SEMA6D: variants seen among roughly 807,000 people sequenced by gnomAD.
SEMA6D encodes semaphorin 6D.
SEMA6D carries 35 observed loss-of-function variants against 106.6 expected under a neutral mutation model. That is an observed-to-expected ratio of 0.33 (90% CI 0.25 to 0.44). The LOEUF (loss-of-function observed/expected upper bound fraction) is 0.44. SEMA6D is among the 20% of genes least tolerant of loss of function. The pLI, the probability that SEMA6D is intolerant of heterozygous loss-of-function variation, is 1.00. For missense variants in SEMA6D, 1,185 were observed against 1,345.9 expected (o/e 0.88, Z 1.87); for synonymous variants, 499 against 487.7 (o/e 1.02, Z -0.31).
intron 1 of SEMA6D, among the ~76,000 whole-genome samples, chr15:47,300,151 G>A (rs1411190485): frequency 6.6e-6 from 1 of 152,178 alleles, no homozygotes; most frequent in Non-Finnish European, 1.5e-5. Flanking sequence ...CCTGGTGGGT[G>A]CCCTCCGCAG....
intron 1 of SEMA6D, among the ~76,000 whole-genome samples, chr15:47,358,335 G>A (rs2038671835): frequency 6.8e-6 from 1 of 146,994 alleles, no homozygotes; most frequent in Admixed American, 6.7e-5. Context: ...GGCCTTTTTT[G>A]TTCATAATTT....
intron 4 of SEMA6D, among the ~76,000 whole-genome samples, chr15:47,616,733 G>A (rs1431589591): frequency 1.3e-5 from 2 of 152,108 alleles, no homozygotes; most frequent in African/African-American, 4.8e-5. Flanking sequence ...TGATGGAAAA[G>A]TAGATGTTGG....
intron 1 of SEMA6D, among the ~76,000 whole-genome samples, chr15:47,348,791 A>T (rs1415577751): frequency 7.0e-6 from 1 of 143,518 alleles, no homozygotes; most frequent in Non-Finnish European, 1.5e-5. Context: ...GCCAGACCAG[A>T]TCAACAGTGA....
chr15:47,535,187 G>C (rs760541732), intron 3 of SEMA6D, among the ~76,000 whole-genome samples: 31 of 152,082 alleles, frequency 2.0e-4, no homozygotes, highest in Middle Eastern at 3.2e-3. Context: ...TGAGAAAGCT[G>C]CTCTGAGGGA....
At position 47,328,086 on chromosome 15, in the gene SEMA6D, G is replaced by T. The variant is rs889042563; in HGVS notation, c.-238-84307G>T. ...GAAATATATTCTCCTCCAGAGTGTT[G>T]ATCTTGGCTCACAGATGGAAAGAAA... is the stretch of plus-strand genomic sequence containing the variant. On this transcript the variant is annotated intron_variant, in intron 1 of 19. Coordinates refer to the SEMA6D transcript ENST00000558014. Among the ~76,000 whole-genome samples, 6 of 152,234 alleles carry T rather than the reference G, an allele frequency of 3.9e-5. No individual in the cohort carries two copies. The East Asian group carries it at 9.7e-4, about 25-fold the overall frequency.
At chr15:47,213,782 C>T (rs1323551943) in intron 1 of SEMA6D, among the ~76,000 whole-genome samples, 1 of 152,150 alleles carries the variant, frequency 6.6e-6, no homozygotes, top group Non-Finnish European at 1.5e-5. Context: ...GTCTTAACCA[C>T]AGAGACTCAA....
chr15:47,377,625 A>G (rs773052880), intron 1 of SEMA6D, among the ~76,000 whole-genome samples: 15 of 152,224 alleles, frequency 9.9e-5, no homozygotes, highest in Admixed American at 8.5e-4. Context: ...TAGATGTTCT[A>G]CCATCCTGTG....
chr15:47,473,578 T>C (rs891638717), intron 3 of SEMA6D, among the ~76,000 whole-genome samples: 1 of 152,210 alleles, frequency 6.6e-6, no homozygotes, highest in African/African-American at 2.4e-5. Flanking sequence ...ACCAGCATTA[T>C]GCCTCTTCAT....
intron 2 of SEMA6D, among the ~76,000 whole-genome samples, chr15:47,459,640 A>T (rs11070586): frequency 0.48 from 72,459 of 151,896 alleles, 18,283 homozygotes; most frequent in African/African-American, 0.64. Context: ...TGTTTACAAT[A>T]TCCATAAGTG....
chr15:47,632,168 A>G (rs2077304416), intron 4 of SEMA6D, among the ~76,000 whole-genome samples: 1 of 151,658 alleles, frequency 6.6e-6, no homozygotes, highest in Non-Finnish European at 1.5e-5. Context: ...CAGAGAACAC[A>G]CTCTGTATGA....
intron 3 of SEMA6D, among the ~76,000 whole-genome samples, chr15:47,565,104 A>C (rs906043194): frequency 6.6e-6 from 1 of 152,178 alleles, no homozygotes; most frequent in Non-Finnish European, 1.5e-5. Flanking sequence ...TTTAGGATCA[A>C]GTACAGATAC....
intron 1 of SEMA6D, among the ~76,000 whole-genome samples, chr15:47,347,343 T>G (rs1055875111): frequency 1.3e-5 from 2 of 152,238 alleles, no homozygotes; most frequent in African/African-American, 4.8e-5. Flanking sequence ...AATGGACACC[T>G]ATTTGCAGCC....
intron 1 of SEMA6D, among the ~76,000 whole-genome samples, chr15:47,236,797 G>A (rs1437494217): frequency 1.3e-5 from 2 of 152,174 alleles, no homozygotes; most frequent in African/African-American, 2.4e-5. Context: ...TTAGGAAGGG[G>A]AAGGACATAG....
Position 47,335,841 on chromosome 15 carries a change from A to T in SEMA6D, c.-238-76552A>T, listed in dbSNP as rs74413947. On this transcript the variant is annotated intron_variant, in intron 1 of 19. Transcript: ENST00000558014. The stretch of plus-strand genomic sequence containing the variant: ...AATGGCATGAATAAAATGGAAATTG[A>T]TGGGGTTAAGACGGAGCTCTTACTA... Among the ~76,000 whole-genome samples the T allele has an allele frequency of 3.6e-3, 552 of 152,256 alleles. 1 individual carries two copies. The highest frequency in any genetic ancestry group is 0.012 in the African/African-American group (489 of 41,562).
At position 47,770,531 on chromosome 15, in the gene SEMA6D, C is replaced by A. The variant is rs1227525865; in HGVS notation, c.1968C>A (p.Asn656Lys). 1.9e-6 allele frequency: 3 copies of A among 1,607,374 alleles called. No homozygotes were observed. The highest frequency in any genetic ancestry group is 2.2e-5 in the South Asian group (2 of 90,694). ...VRWEVQSGESNQMVHMNVLIT... is the reference protein window; with the variant it reads ...VRWEVQSGESKQMVHMNVLIT... ...GGGAAGTCCAGTCTGGAGAGTCCAACCAGATGGTCCACATGAATGTCCTCA... is the reference window on the plus strand; with the variant it reads ...GGGAAGTCCAGTCTGGAGAGTCCAAACAGATGGTCCACATGAATGTCCTCA... The change falls in exon 19 of 19, where the codon AAC (asparagine) becomes AAA (lysine). Residue 656 changes from asparagine (N) to lysine (K), a missense_variant. Around this residue, in one of 3 missense-constraint regions of SEMA6D, gnomAD observed 750 missense variants for 783.5 expected, o/e 0.96. Transcript: ENST00000536845.
intron 4 of SEMA6D, among the ~76,000 whole-genome samples, chr15:47,622,205 A>G (rs76877257): frequency 2.0e-5 from 3 of 148,102 alleles, no homozygotes; most frequent in Admixed American, 1.4e-4. Flanking sequence ...CCCAGCCAAA[A>G]AAAAAAAAAA....
At chr15:47,243,406 C>T (rs1055749008) in intron 1 of SEMA6D, among the ~76,000 whole-genome samples, 2 of 148,706 alleles carry the variant, frequency 1.3e-5, no homozygotes, top group African/African-American at 2.5e-5. Context: ...CTATGTTTTT[C>T]ATAATACCAT....
In SEMA6D at chr15:47,771,751, C is replaced by G. The variant is rs756066018; in HGVS notation, c.3188C>G (p.Pro1063Arg). The G allele has an allele frequency of 1.2e-6, 2 of 1,613,848 alleles. No homozygotes were observed. Among genetic ancestry groups the G allele is most frequent in the Non-Finnish European group, 8.5e-7 (1 of 1,179,882 alleles). ...AAGCCTTCCTTTGTTCCTCAAACCC[C>G]ATCTGTCAGACCACTGAACAAATAC... Reference protein sequence around the residue: ...PPKPSFVPQTPSVRPLNKYTY With the variant: ...PPKPSFVPQTRSVRPLNKYTY The change falls in exon 19 of 19, where the codon CCA becomes CGA. Residue 1063 changes from proline (P) to arginine (R), a missense_variant. Pro to Arg is a moderately radical substitution (Grantham distance 103). Around this residue, in one of 3 missense-constraint regions of SEMA6D, gnomAD observed 750 missense variants for 783.5 expected, o/e 0.96. Coordinates refer to ENST00000536845, the MANE Select transcript of SEMA6D (RefSeq NM_001358351.3).
chr15:47,746,900 C>T (rs959883064), intron 1 of SEMA6D, among the ~76,000 whole-genome samples: 1 of 151,452 alleles, frequency 6.6e-6, no homozygotes, highest in Non-Finnish European at 1.5e-5. Context: ...CATTAGTTAG[C>T]CTTGAAAACC....
Sources: allele counts gnomAD v4.1 joint callset (sites outside exome capture counted in the v4.1 genomes callset), GRCh38; gene constraint gnomAD v4.1.1; regional missense constraint gnomAD v4.1.1; transcripts MANE v1.5; gene names NCBI Gene and HGNC (gene_info 2026-07-23, HGNC 2026-07-21).